The following TMEM135 variants were observed in gnomAD, a reference collection of about 807,000 sequenced individuals.
TMEM135 encodes peroxisomal membrane protein 52.
In TMEM135, 30 loss-of-function variants were observed where a neutral mutation model predicts 60.3. The observed-to-expected ratio is 0.50, with a 90% CI of 0.37 to 0.68. The LOEUF is 0.68. Ranked by LOEUF, TMEM135 falls within the 30% of genes least tolerant of loss-of-function variation. TMEM135 has a pLI of 0.00. For synonymous variants in TMEM135, 190 were observed against 186.7 expected (o/e 1.02, Z -0.14); for missense variants, 468 against 548.8 (o/e 0.85, Z 1.47).
At chr11:87,275,670 A>AT (rs1315119965) in intron 6 of TMEM135, among the ~76,000 whole-genome samples, 1 of 151,802 alleles carries the variant, frequency 6.6e-6, no homozygotes, top group Non-Finnish European at 1.5e-5. Flanking sequence ...TATTATTTTT[A>AT]TTTTTTTGAG....
At chr11:87,272,384 T>C (rs1941885997) in intron 6 of TMEM135, among the ~76,000 whole-genome samples, 1 of 152,222 alleles carries the variant, frequency 6.6e-6, no homozygotes, top group African/African-American at 2.4e-5. Flanking sequence ...ATTGGATGAC[T>C]CTGCTCTAGA....
At chr11:87,118,691 C>T (rs117783007) in intron 4 of TMEM135, among the ~76,000 whole-genome samples, 1 of 152,156 alleles carries the variant, frequency 6.6e-6, no homozygotes, top group Non-Finnish European at 1.5e-5. Context: ...ATCCGCCCAT[C>T]GTGACCTCCC....
intron 3 of TMEM135, among the ~76,000 whole-genome samples, chr11:87,072,444 G>A (rs907788399): frequency 1.3e-5 from 2 of 151,952 alleles, no homozygotes; most frequent in Non-Finnish European, 2.9e-5. Context: ...GCAGTGGTGC[G>A]ACCTCGACCC....
At chr11:87,313,222 C>G (rs1320664384) in intron 10 of TMEM135, among the ~76,000 whole-genome samples, 1 of 151,678 alleles carries the variant, frequency 6.6e-6, no homozygotes, top group Non-Finnish European at 1.5e-5. Flanking sequence ...TGTGTAATTT[C>G]TTAATAGAGT....
chr11:87,225,151 G>C (rs1213647807), intron 5 of TMEM135, among the ~76,000 whole-genome samples: 2 of 152,094 alleles, frequency 1.3e-5, no homozygotes, highest in Non-Finnish European at 2.9e-5. Context: ...AATGAAATTT[G>C]TAAATGCTAT....
chr11:87,286,815 G>C (rs1942175338), intron 6 of TMEM135, among the ~76,000 whole-genome samples: 2 of 152,278 alleles, frequency 1.3e-5, no homozygotes, highest in Admixed American at 1.3e-4. Context: ...AGACTAATCA[G>C]AATTTTGAAG....
At chr11:87,038,630 A>G (rs1243643828) in intron 1 of TMEM135, among the ~76,000 whole-genome samples, 1 of 79,984 alleles carries the variant, frequency 1.3e-5, no homozygotes, top group Admixed American at 1.3e-4. Context: ...TTTTTTTTTT[A>G]ATGAAGAAGG....
intron 5 of TMEM135, among the ~76,000 whole-genome samples, chr11:87,202,301 C>G (rs912709598): frequency 6.6e-6 from 1 of 152,204 alleles, no homozygotes; most frequent in Admixed American, 6.5e-5. Flanking sequence ...TTTGGGATTA[C>G]AGGCGTAAGC....
chr11:87,204,163 G>GT (rs142300919), intron 5 of TMEM135, among the ~76,000 whole-genome samples: 66 of 150,632 alleles, frequency 4.4e-4, no homozygotes, highest in South Asian at 2.1e-3. Context: ...GATTTTGTTT[G>GT]TTTTTTTTAT....
At chr11:87,154,227 A>C (rs1365168980) in intron 4 of TMEM135, among the ~76,000 whole-genome samples, 1 of 152,196 alleles carries the variant, frequency 6.6e-6, no homozygotes, top group Admixed American at 6.5e-5. Context: ...TGAATCATTC[A>C]GTATTTGTTG....
Position 87,247,835 on chromosome 11 carries a change from C to T in TMEM135, c.509+11151C>T, listed in dbSNP as rs183171044. 3.0e-4 allele frequency among the ~76,000 whole-genome samples: 46 copies of T among 152,184 alleles called. No homozygotes were observed. The East Asian group carries it at 7.6e-3, about 25-fold the overall frequency. On this transcript the variant is annotated intron_variant, in intron 6 of 14. Transcript: ENST00000305494. ...AGTGAGGCAATGCCTCGCCCTGCTTCGGCTTGCGTATGTTGCCCTGCACCC... is the reference window on the plus strand; with the variant it reads ...AGTGAGGCAATGCCTCGCCCTGCTTTGGCTTGCGTATGTTGCCCTGCACCC...
At chr11:87,090,335 C>T (rs1857180817) in intron 3 of TMEM135, among the ~76,000 whole-genome samples, 2 of 151,982 alleles carry the variant, frequency 1.3e-5, no homozygotes, top group South Asian at 4.1e-4. Flanking sequence ...TACTTTAGTA[C>T]TGTTCAGTTA....
chr11:87,225,881 C>G (rs1013902760), intron 5 of TMEM135, among the ~76,000 whole-genome samples: 10 of 152,062 alleles, frequency 6.6e-5, no homozygotes, highest in Admixed American at 5.2e-4. Context: ...AAAAACTTGT[C>G]TAGTGCCTGG....
chr11:87,199,821 T>A (rs980388706), intron 5 of TMEM135, among the ~76,000 whole-genome samples: 3 of 152,034 alleles, frequency 2.0e-5, no homozygotes, highest in Non-Finnish European at 4.4e-5. Context: ...TCCCAGCTAC[T>A]AGGGAGGCTG....
chr11:87,094,563 A>G (rs2513227), intron 4 of TMEM135, among the ~76,000 whole-genome samples: 83,176 of 151,948 alleles, frequency 0.55, 23,554 homozygotes, highest in East Asian at 0.71. Flanking sequence ...AGTATAGGCT[A>G]GGTGTGGTGG....
At chr11:87,238,362 T>C (rs116397423) in intron 6 of TMEM135, among the ~76,000 whole-genome samples, 1 of 152,034 alleles carries the variant, frequency 6.6e-6, no homozygotes, top group East Asian at 1.9e-4. Flanking sequence ...GTTACTGTAA[T>C]TATTCTTGTA....
chr11:87,210,322 T>G (rs1591106317), intron 5 of TMEM135, among the ~76,000 whole-genome samples: 1 of 152,112 alleles, frequency 6.6e-6, no homozygotes, highest in Non-Finnish European at 1.5e-5. Context: ...TCCGAAGTGA[T>G]GAAGGTGATA....
intron 5 of TMEM135, among the ~76,000 whole-genome samples, chr11:87,194,391 A>T (rs1240477527): frequency 1.3e-5 from 2 of 152,182 alleles, no homozygotes; most frequent in African/African-American, 4.8e-5. Flanking sequence ...CAAATGAAAA[A>T]ATCTCAAATC....
chr11:87,318,988 C>T, intron 13 of TMEM135: 2 of 229,628 alleles, frequency 8.7e-6, no homozygotes, highest in South Asian at 1.3e-4. Flanking sequence ...CCTGCCTCAG[C>T]CTCCCAAGTA....
Sources: gnomAD v4.1 joint callset for allele counts (sites outside exome capture counted in the v4.1 genomes callset) on GRCh38, gnomAD v4.1.1 for gene constraint, MANE v1.5 for transcripts, NCBI Gene and HGNC (gene_info 2026-07-23, HGNC 2026-07-21) for gene names.